The following PRKAR1B variants were observed in gnomAD, a reference collection of about 807,000 sequenced individuals.
PRKAR1B encodes the protein protein kinase cAMP-dependent type I regulatory subunit beta, also known as cAMP-dependent protein kinase type I-beta regulatory subunit.
Under a neutral mutation model 46.5 loss-of-function variants are expected in PRKAR1B, and 22 were observed. That is an observed-to-expected ratio of 0.47 (90% CI 0.34 to 0.68). The LOEUF is 0.68. Among genes scored for constraint, PRKAR1B ranks in the 30% least tolerant of loss-of-function variants. The probability of loss-of-function intolerance (pLI) is 0.01; values close to 1 mark genes in which losing one functional copy is unlikely to be tolerated. For synonymous variants in PRKAR1B, 259 were observed against 217.7 expected (o/e 1.19, Z -1.67); for missense variants, 445 against 535.6 (o/e 0.83, Z 1.67).
intron 4 of PRKAR1B, among the ~76,000 whole-genome samples, chr7:646,901 A>T (rs1462014933): frequency 6.6e-6 from 1 of 152,242 alleles, no homozygotes; most frequent in Non-Finnish European, 1.5e-5. Flanking sequence ...GCAGGATCAC[A>T]GGCGAAGGGC....
chr7:600,595 C>T (rs1412970262), intron 6 of PRKAR1B, among the ~76,000 whole-genome samples: 1 of 152,206 alleles, frequency 6.6e-6, no homozygotes, highest in Non-Finnish European at 1.5e-5. Context: ...CCGGGGTACA[C>T]CCAGCTGCCT....
At chr7:700,629 G>A (rs1378921960) in intron 2 of PRKAR1B, among the ~76,000 whole-genome samples, 1 of 151,882 alleles carries the variant, frequency 6.6e-6, no homozygotes, top group Non-Finnish European at 1.5e-5. Flanking sequence ...AATACTCTTG[G>A]AATTGGTGGG....
chr7:639,850 C>G (rs777791595), intron 4 of PRKAR1B, among the ~76,000 whole-genome samples: 6 of 151,438 alleles, frequency 4.0e-5, no homozygotes, highest in Non-Finnish European at 8.8e-5. Flanking sequence ...GAGCAAGAAT[C>G]CATCCTTAAA....
At chr7:710,534 C>T (rs564775560) in intron 2 of PRKAR1B, among the ~76,000 whole-genome samples, 2 of 152,280 alleles carry the variant, frequency 1.3e-5, no homozygotes, top group South Asian at 2.1e-4. Context: ...GAGCTTCTCC[C>T]CGACCACACG....
chr7:581,458 G>A (rs2128444209), intron 8 of PRKAR1B, among the ~76,000 whole-genome samples: 1 of 152,324 alleles, frequency 6.6e-6, no homozygotes, highest in East Asian at 1.9e-4. Flanking sequence ...TGTGTTCAGG[G>A]TGCAGAATGA....
At chr7:552,648 A>ACG (rs1784318839) in intron 9 of PRKAR1B, among the ~76,000 whole-genome samples, 2 of 142,788 alleles carry the variant, frequency 1.4e-5, no homozygotes, top group Admixed American at 6.9e-5. Context: ...TTTTGTTCAG[A>ACG]CACACAGCTC....
intron 9 of PRKAR1B, among the ~76,000 whole-genome samples, chr7:559,509 C>T (rs143479077): frequency 1.5e-3 from 228 of 152,302 alleles, no homozygotes; most frequent in African/African-American, 5.1e-3. Flanking sequence ...CTCCCCGATA[C>T]GAGGGGACCC....
At chr7:597,913 C>T (rs766099413) in intron 6 of PRKAR1B, among the ~76,000 whole-genome samples, 1 of 152,218 alleles carries the variant, frequency 6.6e-6, no homozygotes, top group Non-Finnish European at 1.5e-5. Context: ...ACTCTTGCAG[C>T]ACAGTGAGTT....
intron 4 of PRKAR1B, among the ~76,000 whole-genome samples, chr7:634,395 T>C (rs918044779): frequency 6.6e-6 from 1 of 151,788 alleles, no homozygotes; most frequent in African/African-American, 2.4e-5. Flanking sequence ...GGAGGATCAC[T>C]TGAGCCCAGC....
At chr7:706,642 G>A (rs1780344894) in intron 2 of PRKAR1B, among the ~76,000 whole-genome samples, 1 of 144,732 alleles carries the variant, frequency 6.9e-6, no homozygotes, top group South Asian at 2.2e-4. Flanking sequence ...AGCCAGAATG[G>A]TCTCGATCTC....
chr7:688,128 C>T (rs1226103342), intron 2 of PRKAR1B, among the ~76,000 whole-genome samples: 12 of 134,644 alleles, frequency 8.9e-5, no homozygotes, highest in South Asian at 2.4e-4. Context: ...AAGCTGAGCA[C>T]GGTGGCTCAC....
chr7:598,578 C>G lies in PRKAR1B; in HGVS notation c.550-2274G>C, dbSNP rs113457835. Reference sequence around the variant, plus strand: ...GATACCATCACCCTCCAGCACCCTCCGCACCAAACACCATCACCCTCCACA... The same window carrying G: ...GATACCATCACCCTCCAGCACCCTCGGCACCAAACACCATCACCCTCCACA... On this transcript the variant is annotated intron_variant, in intron 6 of 10. Transcript: ENST00000537384. Among the ~76,000 whole-genome samples, 579 of 144,374 alleles carry G rather than the reference C, an allele frequency of 4.0e-3. 4 individuals are homozygous for G. Among genetic ancestry groups the G allele is most frequent in the African/African-American group, 0.014 (522 of 38,588 alleles). The allele number at this position is 144,374 out of a possible 152,430, so 94.7% of individuals were successfully genotyped here.
At chr7:589,671 G>A (rs1408899066) in intron 7 of PRKAR1B, among the ~76,000 whole-genome samples, 4 of 152,158 alleles carry the variant, frequency 2.6e-5, no homozygotes, top group Non-Finnish European at 5.9e-5. Context: ...ATGCTCGCAC[G>A]GCCAGGCCCC....
intron 9 of PRKAR1B, among the ~76,000 whole-genome samples, chr7:574,025 A>G (rs1339932857): frequency 6.6e-6 from 1 of 152,210 alleles, no homozygotes; most frequent in African/African-American, 2.4e-5. Context: ...CGGTGATGCC[A>G]TCTCCTCTGT....
intron 4 of PRKAR1B, among the ~76,000 whole-genome samples, chr7:609,358 T>C (rs891048827): frequency 3.9e-5 from 6 of 152,220 alleles, no homozygotes; most frequent in Admixed American, 3.9e-4. Context: ...AAATATTCCA[T>C]TAAATGCCTT....
In PRKAR1B at chr7:628,313, G is replaced by A. The variant is rs1212607477; in HGVS notation, c.441-20861C>T. On this transcript the variant is annotated intron_variant, in intron 4 of 10. Coordinates refer to ENST00000537384, the MANE Select transcript of PRKAR1B (RefSeq NM_001164760.2). ...TCTCTGTGCCGAGCAAGTCAAAATC[G>A]GGGACGTGGAGCCAAGGCGAAGGCG... Among the ~76,000 whole-genome samples the A allele has an allele frequency of 3.9e-5, 6 of 152,364 alleles. No homozygotes were observed. The South Asian group carries it at 6.2e-4, about 16-fold the overall frequency.
rs962175696 is a variant in PRKAR1B, at chr7:644,788, A to G, written c.440+32441T>C. Among the ~76,000 whole-genome samples, 3 of 152,122 alleles carry G rather than the reference A, an allele frequency of 2.0e-5. No homozygotes were observed. Among genetic ancestry groups the G allele is most frequent in the African/African-American group, 7.2e-5 (3 of 41,456 alleles). On this transcript the variant is annotated intron_variant, in intron 4 of 10. Transcript: ENST00000537384. This position sits in a 1 kb window ranked among gnomAD's most constrained non-coding sequence, Gnocchi z 4.9. Reference sequence around the variant, plus strand: ...CAGACCCTTCCCCCAGACACCTCCCATAGCCTTCCAGGGAAGCGGGCCCCA... The same window carrying G: ...CAGACCCTTCCCCCAGACACCTCCCGTAGCCTTCCAGGGAAGCGGGCCCCA...
chr7:605,615 G>A (rs1323088661), intron 6 of PRKAR1B, among the ~76,000 whole-genome samples: 1 of 152,226 alleles, frequency 6.6e-6, no homozygotes, highest in Non-Finnish European at 1.5e-5. Context: ...CAGCGGAGGG[G>A]AAGCTTCTCC....
chr7:635,685 G>T (rs912500687), intron 4 of PRKAR1B, among the ~76,000 whole-genome samples: 1 of 152,158 alleles, frequency 6.6e-6, no homozygotes, highest in Non-Finnish European at 1.5e-5. Context: ...GATGGCTGCA[G>T]GACGGTCTTT....
Sources: gnomAD v4.1 joint callset for allele counts (sites outside exome capture counted in the v4.1 genomes callset) on GRCh38, gnomAD v4.1.1 for gene constraint, Gnocchi (gnomAD v3.1) non-coding constraint, MANE v1.5 for transcripts, NCBI Gene and HGNC (gene_info 2026-07-23, HGNC 2026-07-21) for gene names.